MYL11: variants seen among roughly 807,000 people sequenced by gnomAD.
The protein encoded by MYL11 is myosin regulatory light chain 11.
chr16:30,377,233 A>G, the MYL11 span, among the ~76,000 whole-genome samples: 1 of 151,818 alleles, frequency 6.6e-6, no homozygotes, highest in Admixed American at 6.6e-5. Flanking sequence ...GAAAAAAAAA[A>G]ATTCGCGGGA....
the MYL11 span, chr16:30,376,785 G>A: frequency 2.9e-6 from 4 of 1,363,028 alleles, no homozygotes; most frequent in South Asian, 2.4e-5. Context: ...TTTCTACCAA[G>A]GCTGGGCCCT....
the MYL11 span, chr16:30,376,444 A>C: frequency 6.2e-7 from 1 of 1,613,826 alleles, no homozygotes; most frequent in Non-Finnish European, 8.5e-7. Context: ...GTGAAGAATG[A>C]GGAGTTGGAT....
chr16:30,375,807 C>G, the MYL11 span: 1 of 1,612,818 alleles, frequency 6.2e-7, no homozygotes, highest in South Asian at 1.1e-5. Flanking sequence ...TTTGTTCAAC[C>G]CTCACCCTCC....
the MYL11 span, chr16:30,376,231 T>A: frequency 6.2e-7 from 1 of 1,612,938 alleles, no homozygotes; most frequent in Admixed American, 1.7e-5. Context: ...GTGAGCCCCC[T>A]ACCCCCAGGT....
chr16:30,375,958 C>G, the MYL11 span: 3 of 1,588,982 alleles, frequency 1.9e-6, 1 homozygote, highest in Middle Eastern at 5.0e-4. Flanking sequence ...AAAAGCAGCC[C>G]TGCTGGCCCT....
the MYL11 span, among the ~76,000 whole-genome samples, chr16:30,375,497 G>A: frequency 4.6e-5 from 7 of 151,704 alleles, no homozygotes; most frequent in Non-Finnish European, 1.0e-4. Context: ...GAAAAGTAGA[G>A]GCTCAAACAG....
the MYL11 span, chr16:30,374,687 C>G: frequency 1.4e-6 from 1 of 695,298 alleles, no homozygotes; most frequent in Non-Finnish European, 2.3e-6. Context: ...AGGAGAGGCC[C>G]TGAGTTGGGC....
chr16:30,374,176 G>A, the MYL11 span, among the ~76,000 whole-genome samples: 6 of 151,774 alleles, frequency 4.0e-5, no homozygotes, highest in African/African-American at 1.5e-4. Flanking sequence ...AAATTAGCCT[G>A]GCTTCGTGGC....
At chr16:30,375,823 C>T in the MYL11 span, 1 of 1,613,808 alleles carries the variant, frequency 6.2e-7, no homozygotes, top group Non-Finnish European at 8.5e-7. Flanking sequence ...CCTCCAGGCA[C>T]CCAAGAGGGC....
chr16:30,377,434 G>A, the MYL11 span: 1 of 453,116 alleles, frequency 2.2e-6, no homozygotes, highest in Non-Finnish European at 3.8e-6. Flanking sequence ...ACTGCCAGAG[G>A]TAAGGGAGTA....
At chr16:30,374,053 C>T in the MYL11 span, among the ~76,000 whole-genome samples, 1 of 152,074 alleles carries the variant, frequency 6.6e-6, no homozygotes, top group African/African-American at 2.4e-5. Context: ...TGGCTCACAC[C>T]TGTAATCCCA....
the MYL11 span, chr16:30,375,916 G>C: frequency 1.2e-6 from 2 of 1,613,802 alleles, no homozygotes; most frequent in South Asian, 2.2e-5. Flanking sequence ...CAAAGAGGTG[G>C]GTGAGGGGAC....
the MYL11 span, chr16:30,376,020 C>T: frequency 1.4e-6 from 2 of 1,479,906 alleles, no homozygotes; most frequent in Non-Finnish European, 1.9e-6. Flanking sequence ...AGAATTCCTT[C>T]CTCCCCTCTC....
the MYL11 span, chr16:30,372,902 G>A: frequency 2.6e-5 from 4 of 152,446 alleles, no homozygotes; most frequent in Non-Finnish European, 4.4e-5. Context: ...CATGCCCTCC[G>A]CCCAGCACAT....
At chr16:30,373,886 A>G in the MYL11 span, among the ~76,000 whole-genome samples, 2 of 151,942 alleles carry the variant, frequency 1.3e-5, no homozygotes, top group Non-Finnish European at 2.9e-5. Flanking sequence ...ACTTACACAC[A>G]CTTGACTATG....
At chr16:30,371,054 T>G in the MYL11 span, 1 of 152,198 alleles carries the variant, frequency 6.6e-6, no homozygotes, top group Admixed American at 6.5e-5. Context: ...TAGAGATTAA[T>G]TCGCCCCGTC....
chr16:30,377,765 C>G, the MYL11 span: 1 of 1,610,856 alleles, frequency 6.2e-7, no homozygotes, highest in Non-Finnish European at 8.5e-7. Context: ...GACTAAGGGC[C>G]TGTGCGAGAC....
the MYL11 span, chr16:30,376,014 T>A: frequency 6.7e-7 from 1 of 1,491,134 alleles, no homozygotes; most frequent in Non-Finnish European, 9.3e-7. Context: ...AGGTTTAGAA[T>A]TCCTTCCTCC....
At chr16:30,375,507 G>C in the MYL11 span, among the ~76,000 whole-genome samples, 2 of 151,560 alleles carry the variant, frequency 1.3e-5, no homozygotes, top group Non-Finnish European at 2.9e-5. Context: ...GGCTCAAACA[G>C]GGCAAATGAG....
Sources: gnomAD v4.1 joint callset for allele counts (sites outside exome capture counted in the v4.1 genomes callset) on GRCh38, gnomAD v4.1.1 for gene constraint, MANE v1.5 for transcripts, NCBI Gene and HGNC (gene_info 2026-07-23, HGNC 2026-07-21) for gene names.